Variants in ATP8B4 observed in about 807,000 individuals in gnomAD.
ATP8B4 encodes probable phospholipid-transporting ATPase IM.
Under a neutral mutation model 145.6 loss-of-function variants are expected in ATP8B4, and 133 were observed. The ratio of observed to expected loss-of-function variants is 0.91; its 90% CI spans 0.79 to 1.05. The LOEUF (loss-of-function observed/expected upper bound fraction) is 1.05. ATP8B4 is among the 50% of genes least tolerant of loss of function. ATP8B4 has a pLI of 0.00. For missense variants in ATP8B4, 1,458 were observed against 1,425.2 expected (o/e 1.02, Z -0.37); for synonymous variants, 507 against 492.9 (o/e 1.03, Z -0.38).
At chr15:50,105,937 A>C (rs954036047) in intron 2 of ATP8B4, among the ~76,000 whole-genome samples, 1 of 152,150 alleles carries the variant, frequency 6.6e-6, no homozygotes, top group African/African-American at 2.4e-5. Flanking sequence ...CAGGAAAAAA[A>C]ATGGGTGGCA....
intron 1 of ATP8B4, among the ~76,000 whole-genome samples, chr15:50,125,966 G>C (rs528559308): frequency 1.3e-5 from 2 of 152,058 alleles, no homozygotes; most frequent in Non-Finnish European, 2.9e-5. Flanking sequence ...TATTTTGCCT[G>C]GGATTCTTTC....
At chr15:49,889,248 T>TGATCCTCAGCTCCTGCAGGATCAG (rs1205147414) in intron 23 of ATP8B4, among the ~76,000 whole-genome samples, 66 of 152,304 alleles carry the variant, frequency 4.3e-4, no homozygotes, top group African/African-American at 1.6e-3. Flanking sequence ...TGCCTACCGC[T>TGATCCTCAGCTCCTGCAGGATCAG]GATCCTCAGC....
At chr15:49,911,500 A>G (rs114773196) in intron 20 of ATP8B4, among the ~76,000 whole-genome samples, 1,802 of 152,256 alleles carry the variant, frequency 0.012, 30 homozygotes, top group African/African-American at 0.042. Flanking sequence ...AATTCTAAAT[A>G]TATATTCACC....
At chr15:49,987,251 C>T in intron 10 of ATP8B4, 140 bp downstream of exon 10, 2 of 1,039,698 alleles carry the variant, frequency 1.9e-6, no homozygotes, top group Non-Finnish European at 2.6e-6. Context: ...TGGCATCCTA[C>T]AATCTTAAGT....
chr15:50,014,989 A>G (rs376364180), intron 6 of ATP8B4, among the ~76,000 whole-genome samples: 19 of 152,340 alleles, frequency 1.2e-4, no homozygotes, highest in African/African-American at 4.3e-4. Flanking sequence ...AGCCACGAAA[A>G]TGTCCATCAA....
At chr15:49,973,185 G>C (rs2045334978) in intron 12 of ATP8B4, among the ~76,000 whole-genome samples, 1 of 152,196 alleles carries the variant, frequency 6.6e-6, no homozygotes, top group African/African-American at 2.4e-5. Context: ...CAGATCAGGG[G>C]AAGGGGGATG....
chr15:50,158,470 T>C (rs1330490931), intron 1 of ATP8B4, among the ~76,000 whole-genome samples: 2 of 147,730 alleles, frequency 1.4e-5, no homozygotes, highest in Admixed American at 6.7e-5. Context: ...AGCCGCCCCG[T>C]CCGGGAGGGA....
intron 1 of ATP8B4, among the ~76,000 whole-genome samples, chr15:50,158,533 G>A (rs940628988): frequency 1.9e-3 from 283 of 150,092 alleles, no homozygotes; most frequent in African/African-American, 6.7e-3. Flanking sequence ...GGTGGGGGGC[G>A]CCTCTGCCTG....
chr15:50,135,545 A>T (rs1374992147), intron 1 of ATP8B4, among the ~76,000 whole-genome samples: 1 of 152,164 alleles, frequency 6.6e-6, no homozygotes, highest in Non-Finnish European at 1.5e-5. Context: ...CCACGCCCCT[A>T]GACATTCTGT....
chr15:49,988,682 A>G (rs1420706320), intron 9 of ATP8B4, among the ~76,000 whole-genome samples: 1 of 152,218 alleles, frequency 6.6e-6, no homozygotes, highest in Non-Finnish European at 1.5e-5. Context: ...AGCGCTGATT[A>G]AAGAGAAAGG....
At chr15:49,971,345 G>C (rs561189454) in intron 13 of ATP8B4, among the ~76,000 whole-genome samples, 34 of 152,254 alleles carry the variant, frequency 2.2e-4, no homozygotes, top group African/African-American at 8.2e-4. Flanking sequence ...CCTACAGAAT[G>C]GGAGAAAATA....
At chr15:50,172,723 G>A (rs554345904) in intron 1 of ATP8B4, among the ~76,000 whole-genome samples, 532 of 151,070 alleles carry the variant, frequency 3.5e-3, no homozygotes, top group African/African-American at 0.012. Context: ...GCTGCCCATC[G>A]TCTGAGATGT....
chr15:49,861,644 A>G (rs1035766573), intron 27 of ATP8B4, among the ~76,000 whole-genome samples: 1 of 152,104 alleles, frequency 6.6e-6, no homozygotes, highest in African/African-American at 2.4e-5. Flanking sequence ...ATATTGTCCT[A>G]CTTACTCCTC....
intron 7 of ATP8B4, among the ~76,000 whole-genome samples, chr15:50,006,284 CAAA>C (rs36110912): frequency 5.2e-5 from 7 of 134,262 alleles, no homozygotes; most frequent in African/African-American, 1.5e-4. Context: ...TTCCTCTAGT[CAAA>C]AAAAAAAAAA....
At chr15:50,112,106 G>C (rs1287324362) in intron 1 of ATP8B4, among the ~76,000 whole-genome samples, 2 of 152,192 alleles carry the variant, frequency 1.3e-5, no homozygotes, top group Non-Finnish European at 2.9e-5. Context: ...AAACTGAGGG[G>C]TTGGGGCCAG....
chr15:49,945,064 G>T (rs577857009), intron 14 of ATP8B4, among the ~76,000 whole-genome samples: 9 of 152,214 alleles, frequency 5.9e-5, no homozygotes, highest in African/African-American at 1.9e-4. Context: ...TAAGGAGGAA[G>T]TTCATAGCAA....
intron 8 of ATP8B4, among the ~76,000 whole-genome samples, chr15:50,000,395 G>A (rs551600702): frequency 1.6e-3 from 243 of 152,206 alleles, no homozygotes; most frequent in Non-Finnish European, 2.9e-3. Flanking sequence ...CATTCTGATA[G>A]GTCTGTAGTG....
intron 6 of ATP8B4, chr15:50,018,895 C>G (rs2049309859): frequency 2.4e-6 from 3 of 1,231,572 alleles, no homozygotes; most frequent in South Asian, 2.5e-5. Context: ...TTACATTTTT[C>G]TCAGGACCAG....
chr15:49,999,788 A>T (rs1192917813), intron 8 of ATP8B4, among the ~76,000 whole-genome samples: 1 of 152,136 alleles, frequency 6.6e-6, no homozygotes, highest in Non-Finnish European at 1.5e-5. Flanking sequence ...AAGATACAGA[A>T]CACTTCTATC....
Sources: gnomAD v4.1 joint callset for allele counts (sites outside exome capture counted in the v4.1 genomes callset) on GRCh38, gnomAD v4.1.1 for gene constraint, MANE v1.5 for transcripts, NCBI Gene and HGNC (gene_info 2026-07-23, HGNC 2026-07-21) for gene names.